The following CAMK2G variants were observed in gnomAD, a reference collection of about 807,000 sequenced individuals.
The protein encoded by CAMK2G is calcium/calmodulin-dependent protein kinase type II subunit gamma.
A neutral mutation model predicts 88.7 loss-of-function variants in CAMK2G; 23 were observed. The ratio of observed to expected loss-of-function variants is 0.26; its 90% CI spans 0.19 to 0.37. The LOEUF (loss-of-function observed/expected upper bound fraction) is 0.37. Among genes scored for constraint, CAMK2G ranks in the 10% least tolerant of loss-of-function variants. CAMK2G has a pLI of 1.00. For missense variants in CAMK2G, 476 were observed against 780.8 expected, an observed-to-expected ratio of 0.61 and a Z score of 4.65; for synonymous variants, 263 against 294.8, an observed-to-expected ratio of 0.89 and a Z score of 1.11.
In CAMK2G at chr10:73,848,427, C is replaced by T. The variant is rs1469253252; in HGVS notation, c.601+99G>A. 7 of 797,442 alleles carry T rather than the reference C, an allele frequency of 8.8e-6. No homozygotes were observed. Among genetic ancestry groups the T allele is most frequent in the Admixed American group, 2.0e-5 (1 of 50,660 alleles). The allele number at this position is 797,442 out of a possible 1,614,324, so 49.4% of individuals were successfully genotyped here. On this transcript the variant is annotated intron_variant, in intron 8 of 22. Transcript: ENST00000423381. The surrounding 1 kb of genome is among the most constrained non-coding windows in gnomAD (Gnocchi z 4.5). ...ACCATAATTTCACATACACCAGGCACGTGTGTGACCTGCAAGGAATAGCGA... is the reference window on the plus strand; with the variant it reads ...ACCATAATTTCACATACACCAGGCATGTGTGTGACCTGCAAGGAATAGCGA...
chr10:73,827,392 T>A (rs577737529), intron 15 of CAMK2G, among the ~76,000 whole-genome samples: 11 of 152,104 alleles, frequency 7.2e-5, no homozygotes, highest in Non-Finnish European at 1.5e-4. Flanking sequence ...TTCACCGTGT[T>A]ATGGTCTTGA....
chr10:73,873,304 C>T, intron 1 of CAMK2G: 1 of 1,327,510 alleles, frequency 7.5e-7, no homozygotes, highest in South Asian at 1.5e-5. Flanking sequence ...CGCGCTCCCA[C>T]CCCCTCATCC....
rs548115873 is a variant in CAMK2G at position 73,838,728 on chromosome 10, C to T, written c.1009+811G>A. On this transcript the variant is annotated intron_variant, in intron 13 of 22. Coordinates refer to ENST00000423381, the MANE Select transcript of CAMK2G (RefSeq NM_001367534.1). ...TTTTTTAAATGTGCTGACTCCTGTG[C>T]CTGACCGCCTACTGTCTAAGTGCTT... 4.2e-4 allele frequency among the ~76,000 whole-genome samples: 64 copies of T among 152,308 alleles called. No homozygotes were observed. In the South Asian group the frequency reaches 0.013, roughly 32 times the overall value.
chr10:73,865,132 C>A lies in CAMK2G; in HGVS notation c.161-4243G>T, dbSNP rs543027431. ...CCAGAGACACTGTGAATGGGACCCA[C>A]TGTCCCCTCAGCCCAGGCAGATGCA... On this transcript the variant is annotated intron_variant, in intron 2 of 22. Transcript: ENST00000423381. Among the ~76,000 whole-genome samples, 3 of 152,354 alleles carry A rather than the reference C, an allele frequency of 2.0e-5. No individual in the cohort carries two copies. In the South Asian group the frequency reaches 6.2e-4, roughly 32 times the overall value.
rs1017419012 is a variant in CAMK2G at position 73,839,824 on chromosome 10, G to A, written c.947-223C>T. ...TGGGCCAGGGCATAGGGAACACTGC[G>A]TCCCCACCAGATGGAGAGGGCTGCA... On this transcript the variant is annotated intron_variant, in intron 12 of 22. Transcript: ENST00000423381. This position sits in a 1 kb window ranked among gnomAD's most constrained non-coding sequence, Gnocchi z 4.2. Among the ~76,000 whole-genome samples, 2 of 152,160 alleles carry A rather than the reference G, an allele frequency of 1.3e-5. No individual in the cohort carries two copies. Among genetic ancestry groups the A allele is most frequent in the African/African-American group, 4.8e-5 (2 of 41,438 alleles).
chr10:73,822,781 T>C (rs948104192), intron 17 of CAMK2G, among the ~76,000 whole-genome samples: 2 of 152,172 alleles, frequency 1.3e-5, no homozygotes, highest in Admixed American at 6.5e-5. Flanking sequence ...AGTTTCTAGC[T>C]CAGATATCAC....
intron 14 of CAMK2G, among the ~76,000 whole-genome samples, chr10:73,834,356 T>C (rs1439911456): frequency 6.6e-6 from 1 of 152,212 alleles, no homozygotes; most frequent in Non-Finnish European, 1.5e-5. Flanking sequence ...CCCACCATGA[T>C]ATTGAAGCTC....
intron 4 of CAMK2G, chr10:73,852,775 G>C: frequency 4.1e-6 from 1 of 243,068 alleles, no homozygotes; most frequent in Non-Finnish European, 8.0e-6. Context: ...CCACTTTTAA[G>C]ACATTAAACC....
intron 4 of CAMK2G, 35 bp from the exon 5 acceptor site, chr10:73,852,354 A>G (rs780105058): frequency 1.3e-6 from 2 of 1,585,688 alleles, no homozygotes; most frequent in Non-Finnish European, 1.7e-6. Context: ...TCAGAGGCAG[A>G]AAGGGTCCTT....
intron 12 of CAMK2G, among the ~76,000 whole-genome samples, chr10:73,840,518 C>T (rs1346905603): frequency 1.3e-5 from 2 of 152,226 alleles, no homozygotes; most frequent in Non-Finnish European, 2.9e-5. Context: ...ATGCTTGCAA[C>T]ATTGTTTGTC....
chr10:73,817,239 A>G, intron 20 of CAMK2G, 122 bp from the exon 21 acceptor site: 3 of 1,373,260 alleles, frequency 2.2e-6, no homozygotes, highest in Non-Finnish European at 2.9e-6. Context: ...ACAAGACAGC[A>G]AAGATCTTCC....
intron 14 of CAMK2G, among the ~76,000 whole-genome samples, chr10:73,836,190 C>T (rs1393357432): frequency 6.6e-6 from 1 of 152,180 alleles, no homozygotes; most frequent in African/African-American, 2.4e-5. Flanking sequence ...AAGTGAGTCT[C>T]ACCTATGTCC....
chr10:73,818,785 G>A, intron 19 of CAMK2G: 2 of 456,246 alleles, frequency 4.4e-6, no homozygotes, highest in Non-Finnish European at 8.8e-6. Context: ...GACCCATCTG[G>A]ATGACCTGAC....
intron 17 of CAMK2G, among the ~76,000 whole-genome samples, chr10:73,823,693 C>T (rs936385715): frequency 6.6e-6 from 1 of 152,108 alleles, no homozygotes; most frequent in Non-Finnish European, 1.5e-5. Flanking sequence ...CCATGGAGAA[C>T]GCTCCAGGGT....
At chr10:73,859,661 C>T (rs954868568) in intron 3 of CAMK2G, among the ~76,000 whole-genome samples, 2 of 152,242 alleles carry the variant, frequency 1.3e-5, no homozygotes, top group East Asian at 1.9e-4. Context: ...TCAGGCAAAG[C>T]CGATCACCAC....
At chr10:73,864,120 TG>T (rs2095493653) in intron 2 of CAMK2G, among the ~76,000 whole-genome samples, 1 of 151,976 alleles carries the variant, frequency 6.6e-6, no homozygotes, top group Non-Finnish European at 1.5e-5. Flanking sequence ...GAGGCCAAGG[TG>T]GGTGGATCAC....
chr10:73,866,765 G>A (rs920223731), intron 2 of CAMK2G, among the ~76,000 whole-genome samples: 1 of 152,052 alleles, frequency 6.6e-6, no homozygotes, highest in Non-Finnish European at 1.5e-5. Context: ...AGCAGAGGCC[G>A]CCGTCTGGTC....
chr10:73,822,580 C>G (rs768496658), intron 17 of CAMK2G, among the ~76,000 whole-genome samples: 1 of 152,146 alleles, frequency 6.6e-6, no homozygotes, highest in Non-Finnish European at 1.5e-5. Context: ...GAAGAAAATG[C>G]AAACTCCTAC....
rs11000793 is a variant in CAMK2G at position 73,851,649 on chromosome 10, C to T, written c.341+605G>A. Reference sequence around the variant, plus strand: ...CAGAGGGGGACATTGGGCATGGTGGCGAGTACATGGTAGTGCAAAAAAAAA... The same window carrying T: ...CAGAGGGGGACATTGGGCATGGTGGTGAGTACATGGTAGTGCAAAAAAAAA... On this transcript the variant is annotated intron_variant, in intron 5 of 22. Transcript: ENST00000423381. 6.8e-3 allele frequency among the ~76,000 whole-genome samples: 995 copies of T among 147,316 alleles called. 12 individuals carry two copies. Among genetic ancestry groups the T allele is most frequent in the Middle Eastern group, 0.035 (10 of 282 alleles).
Sources: allele counts gnomAD v4.1 joint callset (sites outside exome capture counted in the v4.1 genomes callset), GRCh38; gene constraint gnomAD v4.1.1; non-coding constraint Gnocchi (gnomAD v3.1); transcripts MANE v1.5; gene names NCBI Gene and HGNC (gene_info 2026-07-23, HGNC 2026-07-21).